PKIG: variants seen among roughly 807,000 people sequenced by gnomAD.
PKIG encodes the protein protein kinase (cAMP-dependent, catalytic) inhibitor gamma.
PKIG carries 1 observed loss-of-function variant against 6.8 expected under a neutral mutation model. The ratio of observed to expected loss-of-function variants is 0.15; its 90% CI spans 0.05 to 0.69. The LOEUF (loss-of-function observed/expected upper bound fraction) is 0.69. PKIG is among the 30% of genes least tolerant of loss of function. The pLI, the probability that PKIG is intolerant of heterozygous loss-of-function variation, is 0.82. For synonymous variants in PKIG, 39 were observed against 43.0 expected, an observed-to-expected ratio of 0.91 and a Z score of 0.36; for missense variants, 77 against 104.0, an observed-to-expected ratio of 0.74 and a Z score of 1.13.
chr20:44,603,752 G>T (rs1362626822), intron 2 of PKIG, among the ~76,000 whole-genome samples: 1 of 152,156 alleles, frequency 6.6e-6, no homozygotes, highest in Admixed American at 6.5e-5. Flanking sequence ...CCCTGTGATG[G>T]TCCTGAATGA....
chr20:44,610,708 T>C (rs1350863504), intron 2 of PKIG, among the ~76,000 whole-genome samples: 2 of 152,118 alleles, frequency 1.3e-5, no homozygotes, highest in Non-Finnish European at 2.9e-5. Flanking sequence ...GTTGACAGGG[T>C]TGATAGATGT....
At chr20:44,566,843 C>A (rs114623238) in intron 1 of PKIG, among the ~76,000 whole-genome samples, 1,747 of 152,104 alleles carry the variant, frequency 0.011, 43 homozygotes, top group African/African-American at 0.041. Context: ...AAGACTGTCT[C>A]TAAATAAATA....
Position 44,566,843 on chromosome 20 carries a change from C to G in PKIG, c.-240-15742C>G, listed in dbSNP as rs114623238. On this transcript the variant is annotated intron_variant, in intron 1 of 4. Transcript: ENST00000372887. ...CCTGGGTGACAGACCAAGACTGTCT[C>G]TAAATAAATAAATAAAAATAAAAAT... 6.0e-3 allele frequency among the ~76,000 whole-genome samples: 914 copies of G among 152,108 alleles called. 6 individuals carry two copies. The highest frequency in any genetic ancestry group is 0.019 in the African/African-American group (798 of 41,492).
At chr20:44,537,015 C>T (rs536658855) in intron 1 of PKIG, among the ~76,000 whole-genome samples, 26 of 152,238 alleles carry the variant, frequency 1.7e-4, no homozygotes, top group African/African-American at 4.6e-4. Flanking sequence ...CTGCAGCCTC[C>T]GCCTCCCAGG....
At chr20:44,574,637 G>A (rs1292162827) in intron 1 of PKIG, among the ~76,000 whole-genome samples, 1 of 151,530 alleles carries the variant, frequency 6.6e-6, no homozygotes, top group Non-Finnish European at 1.5e-5. Flanking sequence ...GCAGTGGTAC[G>A]ATCTTGGCTC....
chr20:44,614,518 C>A lies in PKIG; in HGVS notation c.-23-16C>A. On this transcript the variant is annotated splice_polypyrimidine_tract_variant and intron_variant, in intron 2 of 3. Transcript: ENST00000372886. This position sits in a 1 kb window ranked among gnomAD's most constrained non-coding sequence, Gnocchi z 4.6. ...ATCTGGACTTACCTCTGCCCCCTTG[C>A]CTTCTGTCCCCACAGGCCTGAGGAG... is the stretch of plus-strand genomic sequence containing the variant. The A allele has an allele frequency of 1.2e-6, 2 of 1,604,580 alleles. No homozygotes were observed. The highest frequency in any genetic ancestry group is 1.7e-6 in the Non-Finnish European group (2 of 1,173,012).
At chr20:44,534,579 C>T (rs562786126) in intron 1 of PKIG, among the ~76,000 whole-genome samples, 1 of 152,052 alleles carries the variant, frequency 6.6e-6, no homozygotes, top group African/African-American at 2.4e-5. Context: ...AGCGATCCAC[C>T]TGCCTCAGCC....
intron 1 of PKIG, among the ~76,000 whole-genome samples, chr20:44,546,372 A>G (rs2064614106): frequency 6.6e-6 from 1 of 152,164 alleles, no homozygotes; most frequent in Admixed American, 6.5e-5. Flanking sequence ...AATGAGTTAT[A>G]CCATTATTAG....
At chr20:44,546,171 C>T (rs1291680907) in intron 1 of PKIG, among the ~76,000 whole-genome samples, 1 of 152,004 alleles carries the variant, frequency 6.6e-6, no homozygotes, top group Non-Finnish European at 1.5e-5. Flanking sequence ...ATCACCTGAG[C>T]CCAGGGAGGT....
intron 1 of PKIG, chr20:44,564,180 C>T (rs2064791224): frequency 6.6e-6 from 1 of 152,094 alleles, no homozygotes; most frequent in Admixed American, 6.6e-5. Flanking sequence ...CCTCGCTTTT[C>T]TCAGTCAGAT....
chr20:44,587,475 C>G (rs1243715085), intron 1 of PKIG, among the ~76,000 whole-genome samples: 2 of 152,236 alleles, frequency 1.3e-5, no homozygotes, highest in South Asian at 2.1e-4. Context: ...AATGTATGGG[C>G]CCCACCTGAG....
At chr20:44,600,098 A>G (rs1568829911) in intron 2 of PKIG, among the ~76,000 whole-genome samples, 3 of 152,254 alleles carry the variant, frequency 2.0e-5, no homozygotes, top group African/African-American at 4.8e-5. Flanking sequence ...GAGCAGGGTT[A>G]CAGAGAATGT....
chr20:44,590,702 ACACC>A (rs1299501738), intron 2 of PKIG, among the ~76,000 whole-genome samples: 1 of 152,206 alleles, frequency 6.6e-6, no homozygotes, highest in African/African-American at 2.4e-5. Context: ...AGATTGGCCT[ACACC>A]CACCTGGACC....
At chr20:44,570,946 G>C (rs897587643) in intron 1 of PKIG, among the ~76,000 whole-genome samples, 6 of 151,996 alleles carry the variant, frequency 3.9e-5, no homozygotes, top group African/African-American at 1.4e-4. Flanking sequence ...AACATTACAT[G>C]CATTAGGCCA....
chr20:44,533,597 A>G (rs2064486856), intron 1 of PKIG, among the ~76,000 whole-genome samples: 1 of 152,186 alleles, frequency 6.6e-6, no homozygotes, highest in African/African-American at 2.4e-5. Context: ...AACATTTTCA[A>G]AAGTACATTC....
At chr20:44,590,683 G>A (rs1274112940) in intron 2 of PKIG, among the ~76,000 whole-genome samples, 1 of 152,156 alleles carries the variant, frequency 6.6e-6, no homozygotes, top group African/African-American at 2.4e-5. Flanking sequence ...CAGAATTGAA[G>A]GCTATTCTAG....
At chr20:44,544,414 C>G (rs1330322770) in intron 1 of PKIG, among the ~76,000 whole-genome samples, 1 of 152,010 alleles carries the variant, frequency 6.6e-6, no homozygotes, top group Non-Finnish European at 1.5e-5. Flanking sequence ...TTATTTTTCT[C>G]TCAAAAAATA....
At chr20:44,557,678 G>A (rs2064726161) in intron 1 of PKIG, among the ~76,000 whole-genome samples, 2 of 148,328 alleles carry the variant, frequency 1.3e-5, no homozygotes, top group South Asian at 4.3e-4. Context: ...AAAAAAATTA[G>A]CCAGCCGTGG....
chr20:44,577,214 A>G (rs545949139), intron 1 of PKIG, among the ~76,000 whole-genome samples: 1 of 152,054 alleles, frequency 6.6e-6, no homozygotes, highest in Non-Finnish European at 1.5e-5. Context: ...GGTTCAAGCA[A>G]TTCTCCTGCC....
Sources: gnomAD v4.1 joint callset for allele counts (sites outside exome capture counted in the v4.1 genomes callset) on GRCh38, gnomAD v4.1.1 for gene constraint, Gnocchi (gnomAD v3.1) non-coding constraint, MANE v1.5 for transcripts, NCBI Gene and HGNC (gene_info 2026-07-23, HGNC 2026-07-21) for gene names.